ARHGAP10: variants seen among roughly 807,000 people sequenced by gnomAD.
The protein encoded by ARHGAP10 is rho GTPase-activating protein 10.
In ARHGAP10, 87 loss-of-function variants were observed where a neutral mutation model predicts 108.6. The ratio of observed to expected loss-of-function variants is 0.80; its 90% CI spans 0.67 to 0.96. ARHGAP10 has a LOEUF of 0.96. Ranked by LOEUF, ARHGAP10 falls within the 40% of genes least tolerant of loss-of-function variation. The pLI, the probability that ARHGAP10 is intolerant of heterozygous loss-of-function variation, is 0.00. For missense variants in ARHGAP10, 939 were observed against 954.5 expected, an observed-to-expected ratio of 0.98 and a Z score of 0.21; for synonymous variants, 347 against 341.1, an observed-to-expected ratio of 1.02 and a Z score of -0.19.
intron 1 of ARHGAP10, among the ~76,000 whole-genome samples, chr4:147,784,394 AATTAT>A (rs992335823): frequency 7.9e-6 from 1 of 127,118 alleles, no homozygotes; most frequent in Non-Finnish European, 1.6e-5. Context: ...ATAATTTATA[AATTAT>A]ATAATATAAA....
At chr4:147,772,779 A>G (rs2126720296) in intron 1 of ARHGAP10, among the ~76,000 whole-genome samples, 1 of 152,230 alleles carries the variant, frequency 6.6e-6, no homozygotes, top group South Asian at 2.1e-4. Flanking sequence ...AGCTTCCTGG[A>G]GCATTCTCTT....
intron 13 of ARHGAP10, among the ~76,000 whole-genome samples, chr4:147,915,826 G>C (rs1736957906): frequency 6.6e-6 from 1 of 152,116 alleles, no homozygotes; most frequent in East Asian, 1.9e-4. Flanking sequence ...GAGGACAGCT[G>C]GGGGCACTGG....
At chr4:148,045,359 T>C (rs1323164232) in intron 19 of ARHGAP10, among the ~76,000 whole-genome samples, 1 of 152,110 alleles carries the variant, frequency 6.6e-6, no homozygotes, top group African/African-American at 2.4e-5. Flanking sequence ...AATTATTTTG[T>C]ACAATCAGTT....
intron 14 of ARHGAP10, among the ~76,000 whole-genome samples, chr4:147,942,586 C>G (rs907034665): frequency 6.6e-6 from 1 of 152,108 alleles, no homozygotes; most frequent in Non-Finnish European, 1.5e-5. Flanking sequence ...TCTCTCCGTC[C>G]TCCTTCTCCT....
chr4:148,070,227 G>T (rs1161766502), intron 22 of ARHGAP10, among the ~76,000 whole-genome samples: 2 of 152,162 alleles, frequency 1.3e-5, no homozygotes, highest in East Asian at 1.9e-4. Context: ...TGGGAGCCCC[G>T]ACCTGGTCTG....
At chr4:147,955,928 A>T (rs536983098) in intron 16 of ARHGAP10, among the ~76,000 whole-genome samples, 2 of 152,278 alleles carry the variant, frequency 1.3e-5, no homozygotes, top group Admixed American at 6.5e-5. Context: ...TATAGTTGGT[A>T]GAATTTTGTG....
At chr4:148,041,734 T>C (rs1001063727) in intron 19 of ARHGAP10, among the ~76,000 whole-genome samples, 3 of 152,230 alleles carry the variant, frequency 2.0e-5, no homozygotes, top group Non-Finnish European at 4.4e-5. Flanking sequence ...TGAAATGTGG[T>C]AGCTATCACC....
chr4:147,839,960 C>G (rs777122048), intron 3 of ARHGAP10, among the ~76,000 whole-genome samples: 3 of 152,202 alleles, frequency 2.0e-5, no homozygotes, highest in Admixed American at 6.5e-5. Context: ...AATGGATTCT[C>G]TAGTTTGCTG....
chr4:147,743,481 A>G (rs567945882), intron 1 of ARHGAP10, among the ~76,000 whole-genome samples: 5 of 151,572 alleles, frequency 3.3e-5, no homozygotes, highest in African/African-American at 1.2e-4. Flanking sequence ...CCTCTGTAAA[A>G]TGTGGATAAT....
chr4:147,879,066 G>A (rs1332515334), intron 8 of ARHGAP10, among the ~76,000 whole-genome samples, 166 bp from the exon 9 acceptor site: 5 of 152,136 alleles, frequency 3.3e-5, no homozygotes, highest in Admixed American at 1.3e-4. Flanking sequence ...CACCGTGCCC[G>A]GCCTCCCCTC....
intron 18 of ARHGAP10, among the ~76,000 whole-genome samples, chr4:148,013,019 T>A (rs1741224889): frequency 6.6e-6 from 1 of 151,676 alleles, no homozygotes; most frequent in East Asian, 1.9e-4. Flanking sequence ...CTTTGTAACA[T>A]GAATAAATTG....
rs115178935 is a variant in ARHGAP10 at position 147,884,828 on chromosome 4, A to G, written c.1034+2896A>G. On this transcript the variant is annotated intron_variant, in intron 10 of 22. Transcript: ENST00000336498. ...GGGAGAAGAGGCTTGAGATGGGGCA[A>G]CGGCCTGAACTTGAAGTTTTTGAAC... Among the ~76,000 whole-genome samples the G allele has an allele frequency of 8.5e-3, 1,292 of 152,322 alleles. 25 individuals are homozygous for G. The highest frequency in any genetic ancestry group is 0.029 in the African/African-American group (1,204 of 41,564).
At chr4:148,025,367 A>AT (rs900604469) in intron 19 of ARHGAP10, among the ~76,000 whole-genome samples, 9 of 146,358 alleles carry the variant, frequency 6.1e-5, no homozygotes, top group African/African-American at 1.0e-4. Context: ...CAACTTTGGG[A>AT]TTTTTTTTTT....
At chr4:147,955,421 T>A in intron 16 of ARHGAP10, 47 bp downstream of exon 16, 1 of 1,528,466 alleles carries the variant, frequency 6.5e-7, no homozygotes, top group South Asian at 1.2e-5. Flanking sequence ...TAGTTGGTAG[T>A]GAGCATAAAC....
intron 15 of ARHGAP10, among the ~76,000 whole-genome samples, chr4:147,951,929 T>A (rs1015235584): frequency 6.6e-6 from 1 of 152,198 alleles, no homozygotes; most frequent in African/African-American, 2.4e-5. Context: ...CTCCTACCAT[T>A]TGAAATCTCT....
intron 14 of ARHGAP10, among the ~76,000 whole-genome samples, chr4:147,940,503 T>G (rs1560836708): frequency 6.6e-6 from 1 of 152,202 alleles, no homozygotes; most frequent in Non-Finnish European, 1.5e-5. Context: ...CATTACACAC[T>G]GCTGTCAGTT....
At chr4:147,735,151 ATT>A (rs912713021) in intron 1 of ARHGAP10, among the ~76,000 whole-genome samples, 1 of 152,154 alleles carries the variant, frequency 6.6e-6, no homozygotes, top group African/African-American at 2.4e-5. Context: ...AGCACCTATA[ATT>A]TGCTAAATAC....
intron 4 of ARHGAP10, among the ~76,000 whole-genome samples, chr4:147,857,145 C>T (rs1185091858): frequency 1.3e-5 from 2 of 152,224 alleles, no homozygotes; most frequent in Admixed American, 1.3e-4. Flanking sequence ...AGCCACTGGC[C>T]TATTATTCCA....
At chr4:147,785,362 T>C (rs1411409024) in intron 1 of ARHGAP10, among the ~76,000 whole-genome samples, 2 of 152,136 alleles carry the variant, frequency 1.3e-5, no homozygotes, top group East Asian at 3.8e-4. Context: ...TGACATGTAT[T>C]GGTACAGATT....
Sources: gnomAD v4.1 joint callset for allele counts (sites outside exome capture counted in the v4.1 genomes callset) on GRCh38, gnomAD v4.1.1 for gene constraint, MANE v1.5 for transcripts, NCBI Gene and HGNC (gene_info 2026-07-23, HGNC 2026-07-21) for gene names.